Variants in AHDC1 observed in about 807,000 individuals in gnomAD.
AHDC1 encodes the protein transcription factor Gibbin.
A neutral mutation model predicts 87.9 loss-of-function variants in AHDC1; 7 were observed. That is an observed-to-expected ratio of 0.08 (90% CI 0.05 to 0.15). The LOEUF (loss-of-function observed/expected upper bound fraction) is 0.15. AHDC1 is among the 10% of genes least tolerant of loss of function. The probability of loss-of-function intolerance (pLI) is 1.00; values close to 1 mark genes in which losing one functional copy is unlikely to be tolerated. For synonymous variants in AHDC1, 1,051 were observed against 1,006.8 expected (o/e 1.04, Z -0.83); for missense variants, 1,841 against 2,253.2 (o/e 0.82, Z 3.70).
chr1:27,551,313 G>A lies in AHDC1; in HGVS notation c.803C>T (p.Ser268Leu), dbSNP rs751818701. 87 of 1,612,134 alleles carry A rather than the reference G, an allele frequency of 5.4e-5. No individual in the cohort carries two copies. Among genetic ancestry groups the A allele is most frequent in the Middle Eastern group, 1.6e-4 (1 of 6,082 alleles). The change falls in exon 8 of 9, where the codon TCG (serine) becomes TTG (leucine). Residue 268 changes from serine to leucine, a missense_variant. By Grantham distance (145) the Ser-to-Leu change is moderately radical. Coordinates refer to ENST00000673934, the MANE Select transcript of AHDC1 (RefSeq NM_001371928.1). ...CAGGAGCTGAGGCTCCGGCTCGGGC[G>A]ATGGTGGCTCGAGGGCCTGGGCCTC... ...LLEAQALEPP[S>L]PEPEPQLLDP...
chr1:27,549,757 C>A lies in AHDC1; in HGVS notation c.2359G>T (p.Ala787Ser). 1 of 1,613,190 alleles carries A rather than the reference C, an allele frequency of 6.2e-7. No homozygotes were observed. Among genetic ancestry groups the A allele is most frequent in the Non-Finnish European group, 8.5e-7 (1 of 1,179,964 alleles). Residue 787 changes from alanine (A) to serine (S), a missense_variant, in exon 8 of 9, where the codon GCT becomes TCT. By Grantham distance (99) the Ala-to-Ser change is moderately conservative. Coordinates refer to ENST00000673934, the MANE Select transcript of AHDC1 (RefSeq NM_001371928.1). ...APHHGHPGGQ[A>S]GRNCGFQGTE... ...CCCTGAAACCCACAGTTTCGGCCAG[C>A]TTGTCCGCCTGGGTGCCCATGGTGA...
At position 27,595,567 on chromosome 1, in the gene AHDC1, G is replaced by A. The variant is rs565161641; in HGVS notation, c.-629+7830C>T. Among the ~76,000 whole-genome samples the A allele has an allele frequency of 2.0e-5, 3 of 152,042 alleles. No individual in the cohort carries two copies. The East Asian group carries it at 5.8e-4, about 29-fold the overall frequency. ...GGGCTGTGAACATGTGCCTGGAAAG[G>A]TGTTGTGGTTGGTGGAGGATGCACT... is the stretch of plus-strand genomic sequence containing the variant. On this transcript the variant is annotated intron_variant, in intron 3 of 8. Transcript: ENST00000673934. This position sits in a 1 kb window ranked among gnomAD's most constrained non-coding sequence, Gnocchi z 4.0.
chr1:27,541,570 C>T (rs1571212030), intron 8 of AHDC1, among the ~76,000 whole-genome samples: 1 of 151,010 alleles, frequency 6.6e-6, no homozygotes, highest in South Asian at 2.1e-4. Context: ...CTGCCCGCCT[C>T]GGCCTCTGAA....
intron 5 of AHDC1, among the ~76,000 whole-genome samples, chr1:27,554,521 G>T (rs1391170421): frequency 6.6e-6 from 1 of 152,184 alleles, no homozygotes; most frequent in Non-Finnish European, 1.5e-5. Flanking sequence ...GAGCTGGTCA[G>T]GGCAGAGCTG....
intron 3 of AHDC1, among the ~76,000 whole-genome samples, chr1:27,602,710 ATTAT>A (rs939927556): frequency 6.6e-5 from 10 of 152,176 alleles, no homozygotes; most frequent in South Asian, 4.1e-4. Flanking sequence ...TTGATAGGCG[ATTAT>A]TTATTTATTT....
In AHDC1 at chr1:27,563,512, C is replaced by T. The variant is rs368114902; in HGVS notation, c.-628-4629G>A. 2.4e-4 allele frequency among the ~76,000 whole-genome samples: 36 copies of T among 152,232 alleles called. No individual in the cohort carries two copies. The highest frequency in any genetic ancestry group is 8.0e-4 in the African/African-American group (33 of 41,452). On this transcript the variant is annotated intron_variant, in intron 3 of 8. Transcript: ENST00000673934. This position sits in a 1 kb window ranked among gnomAD's most constrained non-coding sequence, Gnocchi z 6.1. ...ATGGGTACACAACATGTCACCTCCC[C>T]GGCTGCCTTGGACAGGTGACAGCCC...
chr1:27,583,659 G>A (rs1486286000), intron 3 of AHDC1, among the ~76,000 whole-genome samples: 2 of 152,084 alleles, frequency 1.3e-5, no homozygotes, highest in Non-Finnish European at 2.9e-5. Flanking sequence ...CAGGTTTAAA[G>A]CTTTGTGACT....
In AHDC1 at chr1:27,550,727, G is replaced by T; in HGVS notation, c.1389C>A (p.Thr463=). Residue 463 remains threonine (T), a synonymous_variant, in exon 8 of 9, where the codon ACC becomes ACA. Coordinates refer to ENST00000673934, the MANE Select transcript of AHDC1 (RefSeq NM_001371928.1). The part of the protein sequence containing the change: ...PESSQTPVVS[T]RKGKCRGVRR... ...GCACGCCCCGGCACTTGCCTTTGCG[G>T]GTAGAGACCACTGGGGTCTGGGAAG... 1 of 1,596,804 alleles carries T rather than the reference G, an allele frequency of 6.3e-7. No individual in the cohort carries two copies. The highest frequency in any genetic ancestry group is 1.7e-4 in the Middle Eastern group (1 of 6,050).
chr1:27,571,662 G>A (rs916175672), intron 3 of AHDC1, among the ~76,000 whole-genome samples: 16 of 152,044 alleles, frequency 1.1e-4, no homozygotes, highest in Admixed American at 2.6e-4. Context: ...ACTGGACCGG[G>A]AACAGCAGCT....
rs138965450 is a variant in AHDC1, at chr1:27,566,955, C to A, written c.-628-8072G>T. Among the ~76,000 whole-genome samples, 113 of 152,004 alleles carry A rather than the reference C, an allele frequency of 7.4e-4. 3 individuals are homozygous for A. In the East Asian group the frequency reaches 0.02, roughly 27 times the overall value. On this transcript the variant is annotated intron_variant, in intron 3 of 8. Transcript: ENST00000673934. ...GCAGAAAGGCAGGGTAAGGAAGAAGCCTCGCCCCTGCCCTCGGGGCTCTAC... is the reference window on the plus strand; with the variant it reads ...GCAGAAAGGCAGGGTAAGGAAGAAGACTCGCCCCTGCCCTCGGGGCTCTAC...
Position 27,590,715 on chromosome 1 carries a change from A to G in AHDC1, c.-629+12682T>C, listed in dbSNP as rs1327179605. ...CAAAGTTGGGGAAACTGAGGCAGTG[A>G]AGCCCTCCGCCCTACTCATCACAAT... is the stretch of plus-strand genomic sequence containing the variant. On this transcript the variant is annotated intron_variant, in intron 3 of 8. Transcript: ENST00000673934. The surrounding 1 kb of genome is among the most constrained non-coding windows in gnomAD (Gnocchi z 5.4). Among the ~76,000 whole-genome samples, 1 of 152,122 alleles carries G rather than the reference A, an allele frequency of 6.6e-6. No individual in the cohort carries two copies. The highest frequency in any genetic ancestry group is 6.5e-5 in the Admixed American group (1 of 15,276).
chr1:27,549,390 G>T lies in AHDC1; in HGVS notation c.2726C>A (p.Pro909His), dbSNP rs776465786. 8.1e-6 allele frequency: 13 copies of T among 1,612,896 alleles called. No homozygotes were observed. The African/African-American group carries it at 1.6e-4, about 20-fold the overall frequency. ...AVGSSGAGADPSFQPVLSARQ... is the reference protein window; with the variant it reads ...AVGSSGAGADHSFQPVLSARQ... ...CGCGGACAGGACAGGCTGAAAGGAGGGGTCCGCCCCAGCCCCGCTGCTACC... is the reference window on the plus strand; with the variant it reads ...CGCGGACAGGACAGGCTGAAAGGAGTGGTCCGCCCCAGCCCCGCTGCTACC... Residue 909 changes from proline to histidine, a missense_variant, in exon 8 of 9, where the codon CCC (proline) becomes CAC (histidine). Pro to His is a moderately conservative substitution (Grantham distance 77). Coordinates refer to ENST00000673934, the MANE Select transcript of AHDC1 (RefSeq NM_001371928.1).
At chr1:27,580,578 G>A (rs2088876803) in intron 3 of AHDC1, among the ~76,000 whole-genome samples, 1 of 152,140 alleles carries the variant, frequency 6.6e-6, no homozygotes, top group Non-Finnish European at 1.5e-5. Flanking sequence ...ACAAGCCCAG[G>A]CTTAACTTCC....
At chr1:27,536,022 C>T (rs573370337) in intron 8 of AHDC1, among the ~76,000 whole-genome samples, 3 of 152,202 alleles carry the variant, frequency 2.0e-5, no homozygotes, top group South Asian at 2.1e-4. Flanking sequence ...CCTCAGTGTG[C>T]GACCATCTCC....
At chr1:27,602,522 C>A (rs139081931) in intron 3 of AHDC1, among the ~76,000 whole-genome samples, 8 of 152,246 alleles carry the variant, frequency 5.3e-5, no homozygotes, top group South Asian at 2.1e-4. Flanking sequence ...AGCCAGCCCC[C>A]TGCCCCTCTG....
Position 27,547,454 on chromosome 1 carries a change from G to C in AHDC1, c.4662C>G (p.Asp1554Glu), listed in dbSNP as rs748688517. Residue 1554 changes from aspartate to glutamate, a missense_variant, in exon 8 of 9, where the codon GAC becomes GAG. Around this residue, in one of 13 missense-constraint regions of AHDC1, gnomAD observed 505 missense variants for 626.2 expected, o/e 0.81. Coordinates refer to ENST00000673934, the MANE Select transcript of AHDC1 (RefSeq NM_001371928.1). The surrounding 1 kb of genome is among the most constrained non-coding windows in gnomAD (Gnocchi z 4.9). ...SDLTLSPVPRDSLLPLQDTAY... is the reference protein window; with the variant it reads ...SDLTLSPVPRESLLPLQDTAY... ...CGGTGTCCTGCAGGGGCAGCAGCGA[G>C]TCCCTCGGCACGGGGGACAGGGTCA... 1 of 1,592,190 alleles carries C rather than the reference G, an allele frequency of 6.3e-7. No homozygotes were observed. The highest frequency in any genetic ancestry group is 8.6e-7 in the Non-Finnish European group (1 of 1,164,350).
At chr1:27,582,945 C>G (rs997090681) in intron 3 of AHDC1, among the ~76,000 whole-genome samples, 4 of 152,144 alleles carry the variant, frequency 2.6e-5, no homozygotes, top group African/African-American at 9.7e-5. Context: ...CGGAGTCTTC[C>G]TCTGTCACCC....
chr1:27,557,381 C>T (rs1207672462), intron 5 of AHDC1, among the ~76,000 whole-genome samples: 2 of 151,940 alleles, frequency 1.3e-5, no homozygotes, highest in Non-Finnish European at 2.9e-5. Flanking sequence ...CTCTCACCCC[C>T]GCCCACCTCC....
chr1:27,603,143 ACCCCCCCTCCCCG>A (rs1361882181), intron 3 of AHDC1, among the ~76,000 whole-genome samples: 17 of 110,496 alleles, frequency 1.5e-4, no homozygotes, highest in South Asian at 6.4e-4. Flanking sequence ...AAACCCGAGA[ACCCCCCCTCCCCG>A]CCCCCCCTCC....
Sources: allele counts gnomAD v4.1 joint callset (sites outside exome capture counted in the v4.1 genomes callset), GRCh38; gene constraint gnomAD v4.1.1; regional missense constraint gnomAD v4.1.1; non-coding constraint Gnocchi (gnomAD v3.1); transcripts MANE v1.5; gene names NCBI Gene and HGNC (gene_info 2026-07-23, HGNC 2026-07-21).